The following RAB28 variants were observed in gnomAD, a reference collection of about 807,000 sequenced individuals.
RAB28 encodes ras-related protein Rab-28.
A neutral mutation model predicts 31.7 loss-of-function variants in RAB28; 24 were observed. The ratio of observed to expected loss-of-function variants is 0.76; its 90% CI spans 0.55 to 1.06. The LOEUF (loss-of-function observed/expected upper bound fraction) is 1.06, where lower values mean the gene tolerates loss of function less well. Among genes scored for constraint, RAB28 ranks in the 50% least tolerant of loss-of-function variants. The probability of loss-of-function intolerance (pLI) is 0.00; values close to 1 mark genes in which losing one functional copy is unlikely to be tolerated. For missense variants in RAB28, 254 were observed against 258.5 expected (o/e 0.98, Z 0.12); for synonymous variants, 100 against 90.4 (o/e 1.11, Z -0.60).
intron 3 of RAB28, among the ~76,000 whole-genome samples, chr4:13,468,866 T>A (rs536246354): frequency 6.6e-6 from 1 of 151,210 alleles, no homozygotes; most frequent in South Asian, 2.1e-4. Context: ...AAGACACATA[T>A]TAACAACAGT....
intron 3 of RAB28, among the ~76,000 whole-genome samples, chr4:13,464,206 ACCAGATT>A: frequency 6.6e-6 from 1 of 152,042 alleles, no homozygotes; most frequent in East Asian, 1.9e-4. Context: ...TGGATATACC[ACCAGATT>A]CCAGATATCC....
intron 4 of RAB28, among the ~76,000 whole-genome samples, chr4:13,387,931 T>C (rs1451604545): frequency 6.6e-6 from 1 of 151,972 alleles, no homozygotes; most frequent in Admixed American, 6.6e-5. Flanking sequence ...TTTCCCCAGG[T>C]CAAATTATAA....
intron 4 of RAB28, among the ~76,000 whole-genome samples, chr4:13,445,492 C>T (rs1351841007): frequency 6.6e-6 from 1 of 152,114 alleles, no homozygotes; most frequent in Non-Finnish European, 1.5e-5. Flanking sequence ...TCCTCATCTT[C>T]GTGGATTTAT....
At chr4:13,446,205 A>G (rs2108946412) in intron 4 of RAB28, among the ~76,000 whole-genome samples, 1 of 152,262 alleles carries the variant, frequency 6.6e-6, no homozygotes, top group East Asian at 1.9e-4. Context: ...TAATGGCGGT[A>G]GCCCCTCCCC....
intron 4 of RAB28, among the ~76,000 whole-genome samples, chr4:13,384,116 C>A (rs1304087492): frequency 2.6e-5 from 4 of 152,174 alleles, no homozygotes; most frequent in Non-Finnish European, 5.9e-5. Flanking sequence ...ACCAACACTG[C>A]CGCAAGAGTG....
intron 2 of RAB28, among the ~76,000 whole-genome samples, chr4:13,475,412 A>C (rs187099396): frequency 4.0e-4 from 60 of 151,766 alleles, no homozygotes; most frequent in Admixed American, 3.0e-3. Flanking sequence ...AAAAGATTAG[A>C]AACTGAAAAA....
chr4:13,378,853 A>G (rs1320503004), intron 5 of RAB28, among the ~76,000 whole-genome samples: 2 of 152,206 alleles, frequency 1.3e-5, no homozygotes, highest in Non-Finnish European at 2.9e-5. Flanking sequence ...AATAGGAAAC[A>G]AGGTCATCAG....
intron 4 of RAB28, among the ~76,000 whole-genome samples, chr4:13,431,024 T>A (rs981926664): frequency 2.0e-5 from 3 of 152,186 alleles, no homozygotes; most frequent in Admixed American, 6.5e-5. Context: ...CTAGTGGGCA[T>A]GCCTCAAAGA....
intron 4 of RAB28, among the ~76,000 whole-genome samples, chr4:13,399,155 G>C (rs2108898605): frequency 6.6e-6 from 1 of 152,322 alleles, no homozygotes; most frequent in Middle Eastern, 3.4e-3. Flanking sequence ...CCCCAAGGCA[G>C]TCTAGCTCCG....
intron 4 of RAB28, among the ~76,000 whole-genome samples, chr4:13,394,654 C>T (rs959462963): frequency 3.9e-5 from 6 of 152,018 alleles, no homozygotes; most frequent in African/African-American, 1.2e-4. Flanking sequence ...AGGAAAAAGA[C>T]GGAGTACAAT....
chr4:13,465,950 G>A (rs1185148387), intron 3 of RAB28, among the ~76,000 whole-genome samples: 1 of 151,792 alleles, frequency 6.6e-6, no homozygotes, highest in Admixed American at 6.6e-5. Flanking sequence ...TTCAACAACA[G>A]AGCCAGAAAT....
At position 13,368,599 on chromosome 4, in the gene RAB28, T is replaced by A. The variant is rs1269784393; in HGVS notation, c.625A>T (p.Thr209Ser). Reference sequence around the variant, plus strand: ...ATAGAGCTTCTAGGAGGGTTAACAGTCCTTGACATAGGTTCCTGGTTGTAG... The same window carrying A: ...ATAGAGCTTCTAGGAGGGTTAACAGACCTTGACATAGGTTCCTGGTTGTAG... ...VNYNQEPMSR[T>S]VNPPRSSMCA... Residue 209 changes from threonine (T) to serine (S), a missense_variant, in exon 7 of 7, where the codon ACT (threonine) becomes TCT (serine). Transcript: ENST00000330852. 3 of 1,612,630 alleles carry A rather than the reference T, an allele frequency of 1.9e-6. No homozygotes were observed. The highest frequency in any genetic ancestry group is 8.5e-7 in the Non-Finnish European group (1 of 1,179,164).
chr4:13,396,041 A>AT (rs1320996995), intron 4 of RAB28, among the ~76,000 whole-genome samples: 12 of 152,154 alleles, frequency 7.9e-5, no homozygotes, highest in Non-Finnish European at 5.9e-5. Context: ...ATTATAAACT[A>AT]TTTTTGCTCT....
chr4:13,483,841 G>T (rs188064334), intron 1 of RAB28, among the ~76,000 whole-genome samples: 2 of 152,334 alleles, frequency 1.3e-5, no homozygotes, highest in East Asian at 3.9e-4. Context: ...GCAGGAGTTC[G>T]CAATCCAGGC....
chr4:13,423,397 C>T (rs577112982), intron 4 of RAB28, among the ~76,000 whole-genome samples: 4 of 151,394 alleles, frequency 2.6e-5, no homozygotes, highest in South Asian at 4.2e-4. Context: ...ATTAGCTGGG[C>T]GTGGTGGCAG....
chr4:13,464,817 A>C lies in RAB28; in HGVS notation c.262-3989T>G, dbSNP rs901832445. Among the ~76,000 whole-genome samples, 147 of 152,266 alleles carry C rather than the reference A, an allele frequency of 9.7e-4. 2 individuals are homozygous for C. The highest frequency in any genetic ancestry group is 2.9e-3 in the African/African-American group (122 of 41,580). On this transcript the variant is annotated intron_variant, in intron 3 of 6. Transcript: ENST00000330852. ...ATTTCAAAAGGTAATTTGAAGAAAG[A>C]AAGCAAGCATCAGAACAAGACTCAG...
At chr4:13,407,207 T>C (rs1712150006) in intron 4 of RAB28, among the ~76,000 whole-genome samples, 1 of 152,142 alleles carries the variant, frequency 6.6e-6, no homozygotes, top group African/African-American at 2.4e-5. Context: ...AGAGGTCCAG[T>C]TTCAGTTTTC....
At chr4:13,412,467 C>T (rs1369829294) in intron 4 of RAB28, among the ~76,000 whole-genome samples, 5 of 152,192 alleles carry the variant, frequency 3.3e-5, no homozygotes, top group East Asian at 3.9e-4. Flanking sequence ...AACCCTGTGT[C>T]GTAAGAAAAA....
intron 4 of RAB28, among the ~76,000 whole-genome samples, chr4:13,428,267 A>G (rs1021248715): frequency 2.6e-5 from 4 of 152,196 alleles, no homozygotes; most frequent in Non-Finnish European, 4.4e-5. Context: ...GCATAAGACA[A>G]TATGAGGGGT....
Sources: allele counts gnomAD v4.1 joint callset (sites outside exome capture counted in the v4.1 genomes callset), GRCh38; gene constraint gnomAD v4.1.1; transcripts MANE v1.5; gene names NCBI Gene and HGNC (gene_info 2026-07-23, HGNC 2026-07-21).